Variants in SLC2A14 observed in about 807,000 individuals in gnomAD.
The protein encoded by SLC2A14 is solute carrier family 2, facilitated glucose transporter member 14.
Under a neutral mutation model 43.0 loss-of-function variants are expected in SLC2A14, and 13 were observed. The observed-to-expected ratio is 0.30, with a 90% CI of 0.20 to 0.48. The LOEUF (loss-of-function observed/expected upper bound fraction) is 0.48. Among genes scored for constraint, SLC2A14 ranks in the 20% least tolerant of loss-of-function variants. The pLI is 0.99. For synonymous variants in SLC2A14, 190 were observed against 233.8 expected (o/e 0.81, Z 1.71); for missense variants, 428 against 620.4 (o/e 0.69, Z 3.29).
chr12:7,855,690 T>G (rs1296882877), intron 2 of SLC2A14, among the ~76,000 whole-genome samples: 1 of 100,770 alleles, frequency 9.9e-6, no homozygotes, highest in East Asian at 2.2e-4. Flanking sequence ...CAGGCTGGAG[T>G]GCAGTTGCAC....
intron 2 of SLC2A14, among the ~76,000 whole-genome samples, chr12:7,865,336 G>A (rs1448746462): frequency 6.6e-6 from 1 of 152,048 alleles, no homozygotes; most frequent in Admixed American, 6.6e-5. Flanking sequence ...AGGAGATCGA[G>A]ACCATCCTGG....
intron 2 of SLC2A14, among the ~76,000 whole-genome samples, chr12:7,840,111 CA>C (rs35137540): frequency 0.067 from 4,723 of 71,010 alleles, 372 homozygotes; most frequent in African/African-American, 0.23. Context: ...GACCCTGTCT[CA>C]AAAAAAAAAA....
At chr12:7,883,720 A>T (rs1333020894) in intron 1 of SLC2A14, among the ~76,000 whole-genome samples, 1 of 140,262 alleles carries the variant, frequency 7.1e-6, no homozygotes, top group African/African-American at 2.7e-5. Context: ...AGTAGTTGGG[A>T]TTACAGGCGC....
chr12:7,838,907 G>C (rs1865684999), intron 2 of SLC2A14, among the ~76,000 whole-genome samples: 1 of 152,058 alleles, frequency 6.6e-6, no homozygotes, highest in African/African-American at 2.4e-5. Context: ...AATAGGACAG[G>C]TGTCCTTATG....
intron 1 of SLC2A14, among the ~76,000 whole-genome samples, chr12:7,879,316 A>AAAGAAAAC (rs1945524066): frequency 9.1e-6 from 1 of 110,030 alleles, no homozygotes; most frequent in African/African-American, 3.9e-5. Flanking sequence ...TCTGCAAAAA[A>AAAGAAAAC]AAACAAACAA....
At chr12:7,867,078 G>C (rs373088375) in intron 2 of SLC2A14, among the ~76,000 whole-genome samples, 1 of 151,672 alleles carries the variant, frequency 6.6e-6, no homozygotes, top group Non-Finnish European at 1.5e-5. Flanking sequence ...AGGAGATTGA[G>C]ACCATCCTGG....
In SLC2A14 at chr12:7,847,949, A is replaced by G. The variant is rs374698532; in HGVS notation, c.19-15135T>C. Among the ~76,000 whole-genome samples, 59 of 152,228 alleles carry G rather than the reference A, an allele frequency of 3.9e-4. No homozygotes were observed. The South Asian group carries it at 0.012, about 31-fold the overall frequency. On this transcript the variant is annotated intron_variant, in intron 2 of 10. Coordinates refer to ENST00000431042, the MANE Select transcript of SLC2A14 (RefSeq NM_001286234.2). ...GGATGGAGGCATTGCCCACAGTTAG[A>G]GGAACACAGCAGAGGAACCAAGGCA...
chr12:7,843,968 C>A (rs750531610), intron 2 of SLC2A14, among the ~76,000 whole-genome samples: 98 of 149,600 alleles, frequency 6.6e-4, no homozygotes, highest in African/African-American at 1.6e-3. Context: ...GTTGTCTTTT[C>A]TTTTATTTTT....
intron 10 of SLC2A14, 88 bp downstream of exon 10, chr12:7,817,743 T>TAGATCGATAG: frequency 1.0e-6 from 1 of 961,990 alleles, no homozygotes; most frequent in African/African-American, 1.8e-5. Flanking sequence ...CTCAAAAATA[T>TAGATCGATAG]ATATATATAT....
intron 1 of SLC2A14, among the ~76,000 whole-genome samples, chr12:7,887,254 GT>G (rs1945702710): frequency 6.6e-6 from 1 of 151,792 alleles, no homozygotes; most frequent in Non-Finnish European, 1.5e-5. Context: ...CTCTAGAAGA[GT>G]AGTTCTTAAA....
In SLC2A14 at chr12:7,826,861, T is replaced by TTCCTTCCTTCCTTCCTTCC. The variant is rs1555121671; in HGVS notation, c.864+633_864+634insGGAAGGAAGGAAGGAAGGA. ...TCCTTCCTTCCTTCCTTCCTTTCTTTTTTCTTTCTTTCTTTCTTTCTTTCT... is the reference window on the plus strand; with the variant it reads ...TCCTTCCTTCCTTCCTTCCTTTCTTTTCCTTCCTTCCTTCCTTCCTTTCTTTCTTTCTTTCTTTCTTTCT... On this transcript the variant is annotated intron_variant, in intron 7 of 10. Coordinates refer to ENST00000431042, the MANE Select transcript of SLC2A14 (RefSeq NM_001286234.2). Among the ~76,000 whole-genome samples, 38 of 60,320 alleles carry TTCCTTCCTTCCTTCCTTCC rather than the reference T, an allele frequency of 6.3e-4. 5 individuals carry two copies. Among genetic ancestry groups the TTCCTTCCTTCCTTCCTTCC allele is most frequent in the African/African-American group, 2.8e-3 (36 of 12,638 alleles). The allele number at this position is 60,320 out of a possible 152,430, so 39.6% of individuals were successfully genotyped here.
At chr12:7,883,263 C>CTTT (rs372464881) in intron 1 of SLC2A14, among the ~76,000 whole-genome samples, 18 of 108,418 alleles carry the variant, frequency 1.7e-4, no homozygotes, top group East Asian at 3.1e-4. Context: ...TTCTTTCTTT[C>CTTT]TTTTTTTTTT....
At position 7,838,796 on chromosome 12, in the gene SLC2A14, G is replaced by A. The variant is rs755908783; in HGVS notation, c.19-5982C>T. On this transcript the variant is annotated intron_variant, in intron 2 of 10. Transcript: ENST00000431042. ...TGTGTCCTAAAATTCATATGTTGAA[G>A]CCCTAACCCCTAGTAACTTAGAATG... 2.6e-4 allele frequency among the ~76,000 whole-genome samples: 40 copies of A among 152,314 alleles called. No individual in the cohort carries two copies. The South Asian group carries it at 8.1e-3, about 31-fold the overall frequency.
intron 2 of SLC2A14, among the ~76,000 whole-genome samples, chr12:7,865,604 T>C (rs1480533031): frequency 6.6e-6 from 1 of 152,082 alleles, no homozygotes; most frequent in African/African-American, 2.4e-5. Flanking sequence ...GTATGCATTC[T>C]GACTGCTCCA....
chr12:7,854,311 C>G (rs1287706363), intron 2 of SLC2A14, among the ~76,000 whole-genome samples: 1 of 152,094 alleles, frequency 6.6e-6, no homozygotes, highest in African/African-American at 2.4e-5. Flanking sequence ...CCCACACCTT[C>G]CATATCTAAT....
intron 2 of SLC2A14, among the ~76,000 whole-genome samples, chr12:7,846,661 T>A (rs1020003078): frequency 6.6e-6 from 1 of 150,796 alleles, no homozygotes; most frequent in Non-Finnish European, 1.5e-5. Context: ...AGATGGAGTC[T>A]CGCTCTGTCA....
At chr12:7,874,596 CG>C (rs1472669632), upstream of SLC2A14, among the ~76,000 whole-genome samples, 1 of 150,404 alleles carries the variant, frequency 6.6e-6, no homozygotes, top group African/African-American at 2.4e-5. Flanking sequence ...TGCTTGAACC[CG>C]GGAGGTGGAG....
chr12:7,878,956 G>C (rs184904545), intron 1 of SLC2A14, among the ~76,000 whole-genome samples: 7 of 111,552 alleles, frequency 6.3e-5, no homozygotes, highest in African/African-American at 2.0e-4. Context: ...CAGCCTGGGC[G>C]ACACAGCAAG....
chr12:7,890,743 C>T (rs995762010), intron 1 of SLC2A14: 2 of 251,590 alleles, frequency 7.9e-6, no homozygotes, highest in Middle Eastern at 1.2e-3. Flanking sequence ...GGACAGGGAG[C>T]GGGGGATGGG....
Sources: allele counts gnomAD v4.1 joint callset (sites outside exome capture counted in the v4.1 genomes callset), GRCh38; gene constraint gnomAD v4.1.1; transcripts MANE v1.5; gene names NCBI Gene and HGNC (gene_info 2026-07-23, HGNC 2026-07-21).